CFAP61: variants seen among roughly 807,000 people sequenced by gnomAD.
The protein encoded by CFAP61 is cilia- and flagella-associated protein 61.
In CFAP61, 107 loss-of-function variants were observed where a neutral mutation model predicts 135.6. The ratio of observed to expected loss-of-function variants is 0.79; its 90% CI spans 0.67 to 0.93. CFAP61 has a LOEUF of 0.93. Ranked by LOEUF, CFAP61 falls within the 40% of genes least tolerant of loss-of-function variation. The pLI, the probability that CFAP61 is intolerant of heterozygous loss-of-function variation, is 0.00. For missense variants in CFAP61, 1,507 were observed against 1,556.2 expected (o/e 0.97, Z 0.53); for synonymous variants, 575 against 578.5 (o/e 0.99, Z 0.09).
At chr20:20,130,520 T>C (rs1222969364) in intron 8 of CFAP61, among the ~76,000 whole-genome samples, 2 of 151,832 alleles carry the variant, frequency 1.3e-5, no homozygotes, top group Non-Finnish European at 2.9e-5. Flanking sequence ...CCATTCTCCC[T>C]CTGGCTTGTT....
chr20:20,337,852 G>C (rs2058298857), intron 25 of CFAP61, among the ~76,000 whole-genome samples: 1 of 152,142 alleles, frequency 6.6e-6, no homozygotes, highest in Non-Finnish European at 1.5e-5. Flanking sequence ...CAATGGAGAG[G>C]AGCAATTCTG....
intron 13 of CFAP61, among the ~76,000 whole-genome samples, chr20:20,174,061 G>A (rs1233987651): frequency 1.3e-5 from 2 of 152,094 alleles, no homozygotes; most frequent in East Asian, 1.9e-4. Context: ...GCTTTTCTTC[G>A]TAACCTTTTT....
chr20:20,296,565 G>T (rs1204986600), intron 24 of CFAP61, among the ~76,000 whole-genome samples: 1 of 147,846 alleles, frequency 6.8e-6, no homozygotes, highest in African/African-American at 2.5e-5. Flanking sequence ...CTAGTTCCTT[G>T]CCATGCCACA....
intron 8 of CFAP61, among the ~76,000 whole-genome samples, chr20:20,104,660 G>A (rs2048252364): frequency 6.6e-6 from 1 of 152,168 alleles, no homozygotes; most frequent in Non-Finnish European, 1.5e-5. Context: ...TAGTTAACCA[G>A]TGACCCACCA....
chr20:20,182,906 T>A (rs2055210107), intron 13 of CFAP61, among the ~76,000 whole-genome samples: 1 of 152,208 alleles, frequency 6.6e-6, no homozygotes, highest in African/African-American at 2.4e-5. Flanking sequence ...TAGTGACACA[T>A]GGCTATCAGA....
At chr20:20,298,427 A>G in intron 25 of CFAP61, 41 bp downstream of exon 25, 1 of 1,518,746 alleles carries the variant, frequency 6.6e-7, no homozygotes, top group South Asian at 1.1e-5. Flanking sequence ...AAATACAAAT[A>G]TATATATAAT....
At chr20:20,288,541 A>T in intron 22 of CFAP61, 68 bp from the exon 23 acceptor site, 2 of 1,199,602 alleles carry the variant, frequency 1.7e-6, no homozygotes, top group Non-Finnish European at 2.4e-6. Flanking sequence ...CCTGGAGACT[A>T]GTCACACTTT....
At chr20:20,328,897 G>A (rs1005270412) in intron 25 of CFAP61, among the ~76,000 whole-genome samples, 10 of 152,152 alleles carry the variant, frequency 6.6e-5, no homozygotes, top group African/African-American at 2.4e-4. Context: ...GCGTTGTCGG[G>A]GTGTGGAGGT....
chr20:20,056,855 C>T (rs2044379698), intron 2 of CFAP61, 59 bp downstream of exon 2: 10 of 1,498,682 alleles, frequency 6.7e-6, no homozygotes, highest in Non-Finnish European at 9.2e-6. Flanking sequence ...CAGTAGCTCA[C>T]ACCTGTAATC....
intron 23 of CFAP61, 41 bp downstream of exon 23, chr20:20,288,977 T>C (rs1325709553): frequency 3.9e-6 from 6 of 1,531,342 alleles, no homozygotes; most frequent in Non-Finnish European, 5.4e-6. Context: ...AAGCCACAGA[T>C]TAGGTATGGC....
intron 20 of CFAP61, among the ~76,000 whole-genome samples, chr20:20,258,993 C>T (rs964622396): frequency 6.6e-6 from 1 of 152,130 alleles, no homozygotes; most frequent in Non-Finnish European, 1.5e-5. Context: ...CGTTCTCTTT[C>T]CCTCTCCTTT....
chr20:20,087,893 G>A (rs1011748119), intron 6 of CFAP61, among the ~76,000 whole-genome samples: 8 of 151,330 alleles, frequency 5.3e-5, no homozygotes, highest in African/African-American at 1.9e-4. Context: ...CTCTTCAAGA[G>A]CACCATAAGA....
In CFAP61 at chr20:20,175,489, T is replaced by TTTTTGTTTTG. The variant is rs11467125; in HGVS notation, c.1385+6075_1385+6084dup. ...GTAGGGGCTTCTGGTTTTTTTTTTG[T>TTTTTGTTTTG]TTTTGTTTTGTTTTGTTTTGTTTTG... On this transcript the variant is annotated intron_variant, in intron 13 of 26. Coordinates refer to ENST00000245957, the MANE Select transcript of CFAP61 (RefSeq NM_015585.4). Among the ~76,000 whole-genome samples the TTTTTGTTTTG allele has an allele frequency of 7.5e-4, 110 of 145,896 alleles. No individual in the cohort carries two copies. In the East Asian group the frequency reaches 0.011, roughly 15 times the overall value.
At chr20:20,331,274 C>T (rs1442251978) in intron 25 of CFAP61, among the ~76,000 whole-genome samples, 1 of 152,048 alleles carries the variant, frequency 6.6e-6, no homozygotes, top group Non-Finnish European at 1.5e-5. Context: ...TAATCCATTA[C>T]CCTCTTATTG....
In CFAP61 at chr20:20,121,224, A is replaced by G. The variant is rs2049601373; in HGVS notation, c.860-21633A>G. ...AGGCTCAAGCAATCCTCCCACCTCA[A>G]CCTCCTGAGTAGCTGGGACTACAGG... On this transcript the variant is annotated intron_variant, in intron 8 of 26. Transcript: ENST00000245957. Among the ~76,000 whole-genome samples the G allele has an allele frequency of 2.7e-5, 4 of 147,584 alleles. No individual in the cohort carries two copies. The South Asian group carries it at 8.5e-4, about 31-fold the overall frequency.
intron 12 of CFAP61, 27 bp from the exon 13 acceptor site, chr20:20,169,294 C>T (rs914113564): frequency 1.3e-6 from 2 of 1,585,656 alleles, no homozygotes; most frequent in Non-Finnish European, 1.7e-6. Context: ...TATTCTTTCT[C>T]TGTGTCCTGG....
At chr20:20,194,870 T>C (rs1037181017) in intron 15 of CFAP61, among the ~76,000 whole-genome samples, 5 of 152,214 alleles carry the variant, frequency 3.3e-5, no homozygotes, top group Admixed American at 2.0e-4. Context: ...ATGCTCTCAT[T>C]ACACCAAAAA....
intron 25 of CFAP61, among the ~76,000 whole-genome samples, chr20:20,299,990 T>C (rs373359471): frequency 2.3e-4 from 35 of 152,292 alleles, no homozygotes; most frequent in African/African-American, 8.2e-4. Flanking sequence ...CATAAACACG[T>C]TCCAGTCAAC....
chr20:20,141,833 A>G (rs975125254), intron 8 of CFAP61, among the ~76,000 whole-genome samples: 3 of 152,140 alleles, frequency 2.0e-5, no homozygotes, highest in Admixed American at 6.5e-5. Flanking sequence ...CTTGAAAACA[A>G]GAAGGCAGAG....
Sources: allele counts gnomAD v4.1 joint callset (sites outside exome capture counted in the v4.1 genomes callset), GRCh38; gene constraint gnomAD v4.1.1; transcripts MANE v1.5; gene names NCBI Gene and HGNC (gene_info 2026-07-23, HGNC 2026-07-21).